AP5Z1: variants seen among roughly 807,000 people sequenced by gnomAD.
AP5Z1 encodes the protein AP-5 complex subunit zeta-1.
A neutral mutation model predicts 83.0 loss-of-function variants in AP5Z1; 106 were observed. The ratio of observed to expected loss-of-function variants is 1.28; its 90% confidence interval spans 1.09 to 1.50. AP5Z1 has a LOEUF of 1.50. Among genes scored for constraint, AP5Z1 ranks in the 40% most tolerant of loss-of-function variants. The pLI is 0.00. For synonymous variants in AP5Z1, 751 were observed against 514.1 expected (o/e 1.46, Z -6.23); for missense variants, 1,565 against 1,094.2 (o/e 1.43, Z -6.07).
chr7:4,787,934 G>A (rs1212527813), intron 11 of AP5Z1, among the ~76,000 whole-genome samples, 158 bp downstream of exon 11: 1 of 152,114 alleles, frequency 6.6e-6, no homozygotes, highest in Non-Finnish European at 1.5e-5. Context: ...CTCTAGGACA[G>A]GGTGTGTCTG....
intron 1 of AP5Z1, among the ~76,000 whole-genome samples, chr7:4,779,966 A>G (rs779496701): frequency 2.6e-4 from 40 of 151,890 alleles, no homozygotes; most frequent in Non-Finnish European, 5.0e-4. Flanking sequence ...TCTTTTGTAG[A>G]GATGGGGTCT....
chr7:4,783,301 CTGTT>C lies in AP5Z1; in HGVS notation c.367-12_367-9del. ...ACAGGCCAGTACCCCAGCGTTTGCC[CTGTT>C]TGATTTGAAGGGTGACAGAAACGAG... On this transcript the variant is annotated splice_polypyrimidine_tract_variant and intron_variant, in intron 3 of 16. Transcript: ENST00000649063. 6.3e-7 allele frequency: 1 copy of C among 1,594,368 alleles called. No homozygotes were observed. The highest frequency in any genetic ancestry group is 8.5e-7 in the Non-Finnish European group (1 of 1,169,772).
At chr7:4,790,101 TC>T in intron 14 of AP5Z1, 172 bp downstream of exon 14, 1 of 1,333,374 alleles carries the variant, frequency 7.5e-7, no homozygotes, top group Non-Finnish European at 9.8e-7. Flanking sequence ...CCCAGGCACT[TC>T]TCTCTGCTTC....
In AP5Z1 at chr7:4,790,727, G is replaced by C. The variant is rs762941708; in HGVS notation, c.1993G>C (p.Glu665Gln). ...SVTYDRRCTV[E>Q]QINKFFEALE... Reference sequence around the variant, plus strand: ...GACCTACGATCGGAGGTGCACCGTGGAGCAGATCAACAAGTTCTTCGAAGC... The same window carrying C: ...GACCTACGATCGGAGGTGCACCGTGCAGCAGATCAACAAGTTCTTCGAAGC... The change falls in exon 16 of 17, where the codon GAG becomes CAG. Residue 665 changes from glutamate (E) to glutamine (Q), a missense_variant. Transcript: ENST00000649063. 1 of 1,610,996 alleles carries C rather than the reference G, an allele frequency of 6.2e-7. No homozygotes were observed. Among genetic ancestry groups the C allele is most frequent in the South Asian group, 1.1e-5 (1 of 90,816 alleles).
Position 4,790,730 on chromosome 7 carries a change from C to T in AP5Z1, c.1996C>T (p.Gln666Ter), listed in dbSNP as rs1380160666. 4 of 1,610,828 alleles carry T rather than the reference C, an allele frequency of 2.5e-6. No individual in the cohort carries two copies. The highest frequency in any genetic ancestry group is 2.2e-5 in the East Asian group (1 of 44,830). The change falls in exon 16 of 17, where the codon CAG becomes TAG. Residue 666 changes from glutamine (Q) to a stop codon, truncating the protein, a stop_gained. Transcript: ENST00000649063. LOFTEE classifies it high-confidence loss of function. ...CTACGATCGGAGGTGCACCGTGGAG[C>T]AGATCAACAAGTTCTTCGAAGCCCT... ...VTYDRRCTVE[Q>*]INKFFEALEA...
chr7:4,784,067 C>T (rs1781462254), intron 5 of AP5Z1, 136 bp from the exon 6 acceptor site: 2 of 1,114,180 alleles, frequency 1.8e-6, no homozygotes, highest in Admixed American at 2.8e-5. Flanking sequence ...GGTGTTTTTG[C>T]ATCACACAGG....
In AP5Z1 at chr7:4,790,687, C is replaced by T. The variant is rs200617745; in HGVS notation, c.1953C>T (p.Gly651=). ...SLVTSVVWAI[G]EYLSVTYDRR... is the part of the protein sequence containing the mutation. ...CCCGGGCCTAGGTGTGGGCCATCGGCGAGTACCTGTCGGTGACCTACGATC... is the reference window on the plus strand; with the variant it reads ...CCCGGGCCTAGGTGTGGGCCATCGGTGAGTACCTGTCGGTGACCTACGATC... The change falls in exon 16 of 17, where the codon GGC becomes GGT. Residue 651 remains glycine, a synonymous_variant. Transcript: ENST00000649063. 2.4e-4 allele frequency: 380 copies of T among 1,611,810 alleles called. 1 individual carries two copies. In the Middle Eastern group the frequency reaches 5.4e-3, roughly 23 times the overall value.
At chr7:4,785,266 C>G (rs1314587744) in intron 7 of AP5Z1, 149 bp from the exon 8 acceptor site, 3 of 1,292,158 alleles carry the variant, frequency 2.3e-6, no homozygotes, top group East Asian at 2.5e-5. Context: ...ACCTGGGCCC[C>G]TCGCCTCAGT....
In AP5Z1 at chr7:4,789,817, A is replaced by C. The variant is rs1583240307; in HGVS notation, c.1708-15A>C. The C allele has an allele frequency of 2.6e-6, 4 of 1,545,422 alleles. No homozygotes were observed. The highest frequency in any genetic ancestry group is 1.4e-5 in the African/African-American group (1 of 71,774). ...GGGGGTGGGGCTGAGCCTGTTTCCC[A>C]CTCCTGACCCCCAGGTGGCTGACGG... On this transcript the variant is annotated splice_polypyrimidine_tract_variant and intron_variant, in intron 13 of 16. Transcript: ENST00000649063.
At chr7:4,789,030 C>T in intron 13 of AP5Z1, 79 bp downstream of exon 13, 1 of 1,249,090 alleles carries the variant, frequency 8.0e-7, no homozygotes, top group Middle Eastern at 2.0e-4. Context: ...CTGGGGGGCC[C>T]TCTTGAGCTC....
intron 6 of AP5Z1, among the ~76,000 whole-genome samples, chr7:4,784,586 C>T (rs1781481163): frequency 6.6e-6 from 1 of 152,158 alleles, no homozygotes. Flanking sequence ...CGGGGATCCT[C>T]TGGACACCCC....
At chr7:4,782,157 A>G (rs867060793) in intron 3 of AP5Z1, among the ~76,000 whole-genome samples, 2 of 152,104 alleles carry the variant, frequency 1.3e-5, no homozygotes, top group Admixed American at 6.6e-5. Context: ...GGCTCAAGCA[A>G]TCCTCCCATC....
intron 3 of AP5Z1, among the ~76,000 whole-genome samples, 155 bp from the exon 4 acceptor site, chr7:4,783,161 C>T (rs552875767): frequency 5.3e-5 from 8 of 152,350 alleles, no homozygotes; most frequent in East Asian, 1.9e-4. Context: ...CCTTGTGGCC[C>T]GGGGTGGGCC....
Position 4,787,636 on chromosome 7 carries a change from C to A in AP5Z1, c.1314C>A (p.Phe438Leu). 1.3e-6 allele frequency: 2 copies of A among 1,551,732 alleles called. No individual in the cohort carries two copies. The highest frequency in any genetic ancestry group is 1.4e-5 in the African/African-American group (1 of 73,266). Residue 438 changes from phenylalanine (F) to leucine (L), a missense_variant and splice_region_variant, in exon 11 of 17, where the codon TTC becomes TTA. Coordinates refer to ENST00000649063, the MANE Select transcript of AP5Z1 (RefSeq NM_014855.3). ...GAACCGCTGTGCTGTGCCCACAGTT[C>A]CTGGCCTGGAACAGCCCACCCCTCA... ...LRLSFPNLFK[F>L]LAWNSPPLTS...
At chr7:4,781,094 T>A in intron 1 of AP5Z1, 81 bp from the exon 2 acceptor site, 1 of 1,528,336 alleles carries the variant, frequency 6.5e-7, no homozygotes. Flanking sequence ...AAAGAGGGAT[T>A]TTCCCTGCTC....
intron 11 of AP5Z1, 134 bp downstream of exon 11, chr7:4,787,910 C>T (rs149587243): frequency 1.6e-6 from 2 of 1,223,176 alleles, no homozygotes; most frequent in Non-Finnish European, 2.2e-6. Context: ...ACCAGTCCTC[C>T]CCTGCAAAGC....
Position 4,792,315 on chromosome 7 carries a change from C to G in AP5Z1, c.*930C>G, listed in dbSNP as rs181322047. 1.3e-5 allele frequency: 2 copies of G among 152,050 alleles called. No homozygotes were observed. Among genetic ancestry groups the G allele is most frequent in the African/African-American group, 2.4e-5 (1 of 41,450 alleles). 9.4% of individuals were successfully genotyped at this position (152,050 alleles called of 1,614,324 possible). A position where few individuals can be genotyped will look rare whatever the true frequency, so the allele number is the denominator to read the frequency against. On this transcript the variant is annotated 3_prime_UTR_variant, in exon 17 of 17. Coordinates refer to ENST00000649063, the MANE Select transcript of AP5Z1 (RefSeq NM_014855.3). The stretch of plus-strand genomic sequence containing the variant: ...CCCAGGCTCAAACTCTTCCCCCTCC[C>G]CACTCTGGCTCCGCCCCCGGTCTCC...
rs747623298 is a variant in AP5Z1, at chr7:4,790,230, C to T, written c.1806-229C>T. ...TCTCCAAAGGCCTGATGCATGCAGG[C>T]CCATCCTGGTTCCACTCTGAGCCTG... is the stretch of plus-strand genomic sequence containing the variant. On this transcript the variant is annotated intron_variant, in intron 14 of 16. Coordinates refer to ENST00000649063, the MANE Select transcript of AP5Z1 (RefSeq NM_014855.3). 5.8e-6 allele frequency: 9 copies of T among 1,549,536 alleles called. No individual in the cohort carries two copies. The South Asian group carries it at 5.9e-5, about 10-fold the overall frequency.
In AP5Z1 at chr7:4,783,479, A is replaced by G. The variant is rs367613413; in HGVS notation, c.511+19A>G. 3.0e-4 allele frequency: 475 copies of G among 1,607,710 alleles called. No individual in the cohort carries two copies. The highest frequency in any genetic ancestry group is 3.7e-4 in the Non-Finnish European group (441 of 1,176,962). ...CAGGAGGGTACGCGGGGCCCCTCCC[A>G]AGAGGCTGTTGGGGGTCTGCCTTCC... On this transcript the variant is annotated intron_variant, in intron 4 of 16. Coordinates refer to ENST00000649063, the MANE Select transcript of AP5Z1 (RefSeq NM_014855.3).
Sources: allele counts gnomAD v4.1 joint callset (sites outside exome capture counted in the v4.1 genomes callset), GRCh38; gene constraint gnomAD v4.1.1; transcripts MANE v1.5; gene names NCBI Gene and HGNC (gene_info 2026-07-23, HGNC 2026-07-21).